Variants in MORC1 observed in about 807,000 individuals in gnomAD.
MORC1 encodes the protein MORC family CW-type zinc finger protein 1.
In MORC1, 59 loss-of-function variants were observed where a neutral mutation model predicts 134.9. The observed-to-expected ratio is 0.44, with a 90% confidence interval of 0.35 to 0.54. The LOEUF is 0.54. MORC1 is among the 20% of genes least tolerant of loss of function. The pLI, the probability that MORC1 is intolerant of heterozygous loss-of-function variation, is 0.00. For missense variants in MORC1, 947 were observed against 1,134.5 expected (o/e 0.83, Z 2.37); for synonymous variants, 395 against 391.7 (o/e 1.01, Z -0.10).
At chr3:109,040,007 G>A (rs1949471854) in intron 14 of MORC1, among the ~76,000 whole-genome samples, 1 of 151,998 alleles carries the variant, frequency 6.6e-6, no homozygotes, top group South Asian at 2.1e-4. Context: ...CACGTGTCCA[G>A]GCAAAGGCAC....
chr3:109,035,500 A>C (rs752491974), intron 14 of MORC1, 32 bp from the exon 15 acceptor site: 2 of 253,682 alleles, frequency 7.9e-6, no homozygotes, highest in Non-Finnish European at 1.2e-5. Context: ...AAAGAATAAC[A>C]AAAAAAAATC....
chr3:109,025,379 CTTTTTTTTTTTTTT>C (rs63701060), intron 17 of MORC1, among the ~76,000 whole-genome samples: 56 of 105,078 alleles, frequency 5.3e-4, no homozygotes, highest in African/African-American at 1.9e-3. Flanking sequence ...TTTCTTTTTT[CTTTTTTTTTTTTTT>C]TTTTTTTTTT....
rs201458034 is a variant in MORC1, at chr3:109,100,434, G to A, written c.297C>T (p.Tyr99=). 7.2e-5 allele frequency: 116 copies of A among 1,612,348 alleles called. No homozygotes were observed. The Middle Eastern group carries it at 1.2e-3, about 16-fold the overall frequency. ...RLSTLKFIGQ[Y]GNGLKSGSMR... ...ATTCTCACCTTTTAAGACCATTGCC[G>A]TATTGCCCTATGAACTTCAAGGTTG... Residue 99 remains tyrosine (Y), a synonymous_variant, in exon 5 of 28, where the codon TAC becomes TAT. Coordinates refer to ENST00000232603, the MANE Select transcript of MORC1 (RefSeq NM_014429.4).
chr3:108,976,384 ACATTG>A (rs1228709620), intron 24 of MORC1, among the ~76,000 whole-genome samples: 1 of 152,212 alleles, frequency 6.6e-6, no homozygotes, highest in Non-Finnish European at 1.5e-5. Context: ...TATACCCTTT[ACATTG>A]TACACAGCTG....
At chr3:109,027,725 T>TTAGGG in intron 17 of MORC1, 26 bp downstream of exon 17, 1 of 1,613,498 alleles carries the variant, frequency 6.2e-7, no homozygotes, top group South Asian at 1.1e-5. Context: ...CACAGTAGAA[T>TTAGGG]TAGGGAGGAA....
intron 14 of MORC1, among the ~76,000 whole-genome samples, chr3:109,040,390 GAAAGAAAGAAAGA>G: frequency 5.2e-5 from 4 of 76,536 alleles, no homozygotes; most frequent in African/African-American, 1.4e-4. Context: ...AAGAAAGAAA[GAAAGAAAGAAAGA>G]GAAGGAAGGA....
intron 14 of MORC1, among the ~76,000 whole-genome samples, chr3:109,038,400 T>A (rs1045391198): frequency 6.6e-6 from 1 of 152,152 alleles, no homozygotes; most frequent in Non-Finnish European, 1.5e-5. Flanking sequence ...CTGTTCACTC[T>A]GATGGTAGTT....
chr3:109,029,917 G>C (rs1179167301), intron 16 of MORC1, among the ~76,000 whole-genome samples: 1 of 152,094 alleles, frequency 6.6e-6, no homozygotes, highest in Non-Finnish European at 1.5e-5. Flanking sequence ...AAGAATTCTG[G>C]GCAAGTCACT....
chr3:108,988,957 C>T (rs2715697), intron 21 of MORC1, among the ~76,000 whole-genome samples: 63,925 of 151,994 alleles, frequency 0.42, 14,127 homozygotes, highest in Middle Eastern at 0.55. Context: ...ATCTCTATAA[C>T]ATGAAAAATT....
At chr3:109,088,358 G>T (rs1415689369) in intron 8 of MORC1, among the ~76,000 whole-genome samples, 1 of 151,916 alleles carries the variant, frequency 6.6e-6, no homozygotes, top group Non-Finnish European at 1.5e-5. Flanking sequence ...GCATCTGTAA[G>T]AAACCTAAAC....
intron 5 of MORC1, 112 bp downstream of exon 5, chr3:109,100,305 A>G: frequency 1.2e-6 from 1 of 866,842 alleles, no homozygotes. Context: ...CCCTGCCTCA[A>G]GTTTATATAT....
chr3:109,066,599 T>G (rs1310542045), intron 9 of MORC1, among the ~76,000 whole-genome samples: 1 of 152,064 alleles, frequency 6.6e-6, no homozygotes, highest in East Asian at 1.9e-4. Context: ...GAATTTTCTC[T>G]TTTTGCTTTT....
intron 14 of MORC1, among the ~76,000 whole-genome samples, chr3:109,036,658 G>A (rs1316314544): frequency 6.6e-6 from 1 of 152,068 alleles, no homozygotes; most frequent in Non-Finnish European, 1.5e-5. Flanking sequence ...TATTATTCCT[G>A]TTAAAATTTT....
chr3:109,087,956 G>A (rs924328859), intron 8 of MORC1, among the ~76,000 whole-genome samples: 10 of 152,064 alleles, frequency 6.6e-5, no homozygotes, highest in African/African-American at 2.4e-4. Context: ...CAACAAAGCT[G>A]ACAAAAAGAA....
intron 14 of MORC1, among the ~76,000 whole-genome samples, chr3:109,048,563 C>T (rs189660864): frequency 6.6e-6 from 1 of 152,212 alleles, no homozygotes; most frequent in Non-Finnish European, 1.5e-5. Flanking sequence ...GCTAGGGCTG[C>T]CGTGAAAAAA....
At chr3:108,989,331 A>T (rs774372677) in intron 21 of MORC1, among the ~76,000 whole-genome samples, 3 of 152,220 alleles carry the variant, frequency 2.0e-5, no homozygotes, top group Non-Finnish European at 2.9e-5. Context: ...TGAAATAGAC[A>T]ACACCTCATA....
chr3:108,963,071 C>G (rs1353611847), intron 27 of MORC1, among the ~76,000 whole-genome samples: 1 of 151,934 alleles, frequency 6.6e-6, no homozygotes, highest in African/African-American at 2.4e-5. Flanking sequence ...GCCTGTAGTT[C>G]CAGCTACTCG....
intron 27 of MORC1, among the ~76,000 whole-genome samples, chr3:108,960,888 C>T (rs4855682): frequency 0.36 from 55,028 of 152,084 alleles, 10,722 homozygotes; most frequent in Non-Finnish European, 0.43. Context: ...TGGTTAAATT[C>T]CAAGGACTCT....
intron 16 of MORC1, 124 bp downstream of exon 16, chr3:109,032,596 A>T: frequency 1.5e-6 from 1 of 656,008 alleles, no homozygotes; most frequent in Non-Finnish European, 2.6e-6. Flanking sequence ...CATTAGAAAG[A>T]GTTTGAAGAG....
Sources: gnomAD v4.1 joint callset for allele counts (sites outside exome capture counted in the v4.1 genomes callset) on GRCh38, gnomAD v4.1.1 for gene constraint, MANE v1.5 for transcripts, NCBI Gene and HGNC (gene_info 2026-07-23, HGNC 2026-07-21) for gene names.